ARHGEF3: variants seen among roughly 807,000 people sequenced by gnomAD.
The protein encoded by ARHGEF3 is 59.8 kDA protein.
In ARHGEF3, 28 loss-of-function variants were observed where a neutral mutation model predicts 63.2. That is an observed-to-expected ratio of 0.44 (90% CI 0.33 to 0.61). The LOEUF (loss-of-function observed/expected upper bound fraction) is 0.61, where lower values mean the gene tolerates loss of function less well. ARHGEF3 is among the 20% of genes least tolerant of loss of function. The pLI, the probability that ARHGEF3 is intolerant of heterozygous loss-of-function variation, is 0.03. For synonymous variants in ARHGEF3, 266 were observed against 254.2 expected (o/e 1.05, Z -0.44); for missense variants, 533 against 659.3 (o/e 0.81, Z 2.10).
chr3:56,802,097 G>A, upstream of ARHGEF3: 1 of 1,010,202 alleles, frequency 9.9e-7, no homozygotes, highest in Non-Finnish European at 1.3e-6. Flanking sequence ...AGGGGCGTGG[G>A]GCGGTCCCGC....
chr3:56,775,527 CA>C (rs2036241950), intron 1 of ARHGEF3: 1 of 987,466 alleles, frequency 1.0e-6, no homozygotes, highest in South Asian at 4.6e-5. Context: ...CTAAGCTGAA[CA>C]GACAGCAGAA....
chr3:56,870,565 A>G (rs1336508771), intron 4 of ARHGEF3, among the ~76,000 whole-genome samples: 2 of 152,208 alleles, frequency 1.3e-5, no homozygotes, highest in Non-Finnish European at 2.9e-5. Context: ...ACACTTTTGT[A>G]CAAACCCATG....
At chr3:56,830,062 G>A (rs2038875536) in intron 4 of ARHGEF3, among the ~76,000 whole-genome samples, 3 of 152,222 alleles carry the variant, frequency 2.0e-5, no homozygotes, top group South Asian at 2.1e-4. Flanking sequence ...GAGAGGAGGT[G>A]TAATTTGCTC....
chr3:56,954,222 T>C (rs1299559879), intron 3 of ARHGEF3, among the ~76,000 whole-genome samples: 1 of 152,162 alleles, frequency 6.6e-6, no homozygotes, highest in African/African-American at 2.4e-5. Context: ...TGGTTAAGCA[T>C]TTCCTAGTTA....
intron 2 of ARHGEF3, among the ~76,000 whole-genome samples, chr3:57,001,205 G>A (rs1329763557): frequency 6.6e-6 from 1 of 152,212 alleles, no homozygotes; most frequent in Non-Finnish European, 1.5e-5. Flanking sequence ...CTTTCAAAGG[G>A]TTGGGATTAT....
intron 2 of ARHGEF3, among the ~76,000 whole-genome samples, chr3:57,014,121 C>T (rs1388822932): frequency 6.6e-6 from 1 of 152,040 alleles, no homozygotes; most frequent in Non-Finnish European, 1.5e-5. Context: ...GACGTGACCC[C>T]TTAAGAGCTG....
intron 3 of ARHGEF3, among the ~76,000 whole-genome samples, chr3:56,888,827 TG>T (rs1478767772): frequency 6.6e-6 from 1 of 151,928 alleles, no homozygotes; most frequent in African/African-American, 2.4e-5. Flanking sequence ...CGCTTGAACC[TG>T]GGAGACGGAG....
intron 1 of ARHGEF3, among the ~76,000 whole-genome samples, chr3:57,064,632 G>A (rs1184425022): frequency 6.6e-6 from 1 of 152,184 alleles, no homozygotes; most frequent in Non-Finnish European, 1.5e-5. Flanking sequence ...TCTGACACAT[G>A]TTACAACATG....
chr3:56,821,887 C>T (rs1173109089), intron 4 of ARHGEF3, among the ~76,000 whole-genome samples: 7 of 151,612 alleles, frequency 4.6e-5, no homozygotes, highest in Non-Finnish European at 7.4e-5. Flanking sequence ...TCGCTGGAAC[C>T]GGGGAGGTGG....
chr3:56,764,213 A>T (rs1293211117), intron 2 of ARHGEF3, among the ~76,000 whole-genome samples: 2 of 152,180 alleles, frequency 1.3e-5, no homozygotes, highest in Non-Finnish European at 2.9e-5. Flanking sequence ...TAGAGAAAAT[A>T]TTATACAATT....
intron 4 of ARHGEF3, among the ~76,000 whole-genome samples, chr3:56,859,108 T>C (rs919089859): frequency 3.3e-5 from 5 of 152,116 alleles, no homozygotes; most frequent in African/African-American, 1.2e-4. Flanking sequence ...TTGTTTAGAG[T>C]TACCAGCTTA....
upstream of ARHGEF3, among the ~76,000 whole-genome samples, chr3:56,806,547 C>G (rs774832127): frequency 1.6e-4 from 24 of 152,246 alleles, no homozygotes; most frequent in Non-Finnish European, 2.8e-4. Context: ...AGCCTGGAGA[C>G]TGAAATAAAG....
At chr3:57,054,214 T>C (rs1398300481) in intron 1 of ARHGEF3, among the ~76,000 whole-genome samples, 1 of 152,212 alleles carries the variant, frequency 6.6e-6, no homozygotes, top group Non-Finnish European at 1.5e-5. Context: ...AGTAGTATCT[T>C]TGTGTACTTA....
intron 3 of ARHGEF3, among the ~76,000 whole-genome samples, chr3:56,897,333 T>C (rs1410587947): frequency 2.0e-5 from 3 of 152,146 alleles, no homozygotes. Flanking sequence ...TCCAAGATCT[T>C]CCTATATTCT....
intron 3 of ARHGEF3, among the ~76,000 whole-genome samples, chr3:56,915,124 A>C (rs1225674869): frequency 6.6e-6 from 1 of 152,158 alleles, no homozygotes; most frequent in African/African-American, 2.4e-5. Flanking sequence ...TTCTGATGAG[A>C]AGAATAGAAA....
chr3:56,808,414 C>T (rs1339127071), intron 4 of ARHGEF3, among the ~76,000 whole-genome samples: 2 of 152,054 alleles, frequency 1.3e-5, no homozygotes, highest in Admixed American at 1.3e-4. Context: ...AGATCCCCAT[C>T]TCTACAAAAA....
At chr3:57,003,031 A>G (rs1218338190) in intron 2 of ARHGEF3, among the ~76,000 whole-genome samples, 1 of 151,534 alleles carries the variant, frequency 6.6e-6, no homozygotes. Flanking sequence ...CGGCCTCCCA[A>G]AGTGCTGGGA....
intron 2 of ARHGEF3, among the ~76,000 whole-genome samples, chr3:57,008,777 A>G (rs980214596): frequency 6.6e-6 from 1 of 151,994 alleles, no homozygotes; most frequent in Non-Finnish European, 1.5e-5. Context: ...AGGCCCTGTC[A>G]TTTTTCTCTG....
At chr3:56,765,914 C>T (rs1342143558) in intron 2 of ARHGEF3, among the ~76,000 whole-genome samples, 2 of 151,718 alleles carry the variant, frequency 1.3e-5, no homozygotes, top group Non-Finnish European at 2.9e-5. Flanking sequence ...ATTTGTAATT[C>T]TTACATACTG....
Sources: allele counts gnomAD v4.1 joint callset (sites outside exome capture counted in the v4.1 genomes callset), GRCh38; gene constraint gnomAD v4.1.1; transcripts MANE v1.5; gene names NCBI Gene and HGNC (gene_info 2026-07-23, HGNC 2026-07-21).